FRMPD1: variants seen among roughly 807,000 people sequenced by gnomAD.
FRMPD1 encodes FERM and PDZ domain containing 1.
In FRMPD1, 76 loss-of-function variants were observed where a neutral mutation model predicts 117.8. The observed-to-expected ratio is 0.65, with a 90% CI of 0.54 to 0.78. The LOEUF is 0.78. Ranked by LOEUF, FRMPD1 falls within the 30% of genes least tolerant of loss-of-function variation. The pLI, the probability that FRMPD1 is intolerant of heterozygous loss-of-function variation, is 0.00. For synonymous variants in FRMPD1, 783 were observed against 770.4 expected (o/e 1.02, Z -0.27); for missense variants, 1,786 against 1,964.5 (o/e 0.91, Z 1.72).
At position 37,707,504 on chromosome 9, in the gene FRMPD1, A is replaced by G. The variant is rs751634587; in HGVS notation, c.190A>G (p.Thr64Ala). ...ACACACAGTAAAGATAGACAAAGACACCCTCCTCCAGGACTATGGATTTCA... is the reference window on the plus strand; with the variant it reads ...ACACACAGTAAAGATAGACAAAGACGCCCTCCTCCAGGACTATGGATTTCA... The part of the protein sequence containing the change: ...VRHTVKIDKD[T>A]LLQDYGFHIS... Residue 64 changes from threonine to alanine, a missense_variant, in exon 3 of 16, where the codon ACC (threonine) becomes GCC (alanine). Transcript: ENST00000377765. 19 of 1,613,738 alleles carry G rather than the reference A, an allele frequency of 1.2e-5. No individual in the cohort carries two copies. The highest frequency in any genetic ancestry group is 1.4e-5 in the Non-Finnish European group (17 of 1,179,762).
At chr9:37,629,560 G>A in the FRMPD1 span, among the ~76,000 whole-genome samples, 3 of 152,232 alleles carry the variant, frequency 2.0e-5, no homozygotes, top group Non-Finnish European at 2.9e-5. Context: ...AGGGCCACCC[G>A]CCAACATCAT....
At chr9:37,738,558 C>G (rs759721103) in intron 14 of FRMPD1, among the ~76,000 whole-genome samples, 3 of 152,132 alleles carry the variant, frequency 2.0e-5, no homozygotes, top group Non-Finnish European at 2.9e-5. Flanking sequence ...AGACTGGTCT[C>G]GAGCCCCTGA....
At chr9:37,663,253 G>A (rs1821053580) in intron 1 of FRMPD1, among the ~76,000 whole-genome samples, 1 of 152,230 alleles carries the variant, frequency 6.6e-6, no homozygotes, top group African/African-American at 2.4e-5. Flanking sequence ...GTGAGTGCCA[G>A]GATTTCTGCC....
chr9:37,695,006 AATAGATAGATAG>A (rs74171518), intron 2 of FRMPD1, among the ~76,000 whole-genome samples: 107 of 150,926 alleles, frequency 7.1e-4, no homozygotes, highest in East Asian at 4.9e-3. Flanking sequence ...GCCAAATAAG[AATAGATAGATAG>A]ATAGATAGAT....
At chr9:37,666,490 C>A (rs1444344499) in intron 1 of FRMPD1, among the ~76,000 whole-genome samples, 1 of 152,098 alleles carries the variant, frequency 6.6e-6, no homozygotes, top group Non-Finnish European at 1.5e-5. Context: ...AGCCCAGTGC[C>A]ATCTCCCTTC....
At chr9:37,667,061 G>GTTTTTTTTTTTTTTTTTTTTT (rs1563923428) in intron 1 of FRMPD1, among the ~76,000 whole-genome samples, 1 of 67,006 alleles carries the variant, frequency 1.5e-5, no homozygotes, top group African/African-American at 1.2e-4. Context: ...ATTGAAGCAT[G>GTTTTTTTTTTTTTTTTTTTTT]CTTTTTTTTT....
At chr9:37,623,876 G>GA in the FRMPD1 span, among the ~76,000 whole-genome samples, 6,117 of 151,814 alleles carry the variant, frequency 0.04, 285 homozygotes, top group African/African-American at 0.11. Context: ...TTATTAAAAG[G>GA]AAAAAAAATC....
chr9:37,607,381 T>C, the FRMPD1 span, among the ~76,000 whole-genome samples: 1 of 152,162 alleles, frequency 6.6e-6, no homozygotes, highest in South Asian at 2.1e-4. Flanking sequence ...TGAAGTTTAA[T>C]TGAGCAATGA....
intron 2 of FRMPD1, among the ~76,000 whole-genome samples, chr9:37,703,705 C>T (rs184284392): frequency 6.6e-6 from 1 of 152,296 alleles, no homozygotes; most frequent in African/African-American, 2.4e-5. Context: ...AAACCTCCCT[C>T]CCTGAAGCCT....
At chr9:37,606,131 C>T in the FRMPD1 span, among the ~76,000 whole-genome samples, 1 of 152,052 alleles carries the variant, frequency 6.6e-6, no homozygotes, top group Non-Finnish European at 1.5e-5. Context: ...TATGGCAGGT[C>T]TGGGTAGACA....
chr9:37,618,916 T>G, the FRMPD1 span, among the ~76,000 whole-genome samples: 2 of 152,226 alleles, frequency 1.3e-5, no homozygotes, highest in Non-Finnish European at 2.9e-5. Context: ...CATCCTCTGT[T>G]GCACTTGGTT....
At chr9:37,647,276 G>A (rs1399685096), upstream of FRMPD1, among the ~76,000 whole-genome samples, 7 of 152,040 alleles carry the variant, frequency 4.6e-5, no homozygotes, top group African/African-American at 9.7e-5. Context: ...TTGGGAGGTC[G>A]AGACGGGCGG....
At chr9:37,733,897 T>C in intron 12 of FRMPD1, 72 bp downstream of exon 12, 1 of 881,424 alleles carries the variant, frequency 1.1e-6, no homozygotes, top group South Asian at 1.4e-5. Context: ...TCAATGTGTC[T>C]TTTAGCCTAA....
chr9:37,702,916 A>C (rs150794302), intron 2 of FRMPD1, among the ~76,000 whole-genome samples: 1 of 152,088 alleles, frequency 6.6e-6, no homozygotes, highest in Non-Finnish European at 1.5e-5. Context: ...TCTATTCCCT[A>C]TCGGGTTGTT....
the FRMPD1 span, among the ~76,000 whole-genome samples, chr9:37,616,975 A>G: frequency 4.6e-5 from 7 of 152,230 alleles, no homozygotes; most frequent in Non-Finnish European, 7.3e-5. Flanking sequence ...ACACTGCTGG[A>G]TGTACAAGGA....
chr9:37,636,954 C>T, the FRMPD1 span: 5 of 1,600,788 alleles, frequency 3.1e-6, no homozygotes, highest in Admixed American at 3.4e-5. Flanking sequence ...AGCTTATTGA[C>T]GTTCTCGCTG....
intron 15 of FRMPD1, among the ~76,000 whole-genome samples, chr9:37,743,427 G>T (rs1824515239): frequency 6.6e-6 from 1 of 150,974 alleles, no homozygotes; most frequent in African/African-American, 2.4e-5. Context: ...TGAAGACCTG[G>T]GTTCAGAAAT....
chr9:37,733,133 T>C (rs1225384894), intron 10 of FRMPD1, among the ~76,000 whole-genome samples: 1 of 152,168 alleles, frequency 6.6e-6, no homozygotes, highest in East Asian at 1.9e-4. Context: ...CGTTGCCCCA[T>C]GAGAGTGTCT....
At chr9:37,711,308 A>T in intron 4 of FRMPD1, 42 bp from the exon 5 acceptor site, 1 of 1,360,742 alleles carries the variant, frequency 7.3e-7, no homozygotes, top group Non-Finnish European at 1.1e-6. Context: ...TCCATCACGC[A>T]GAACGACTAA....
Sources: gnomAD v4.1 joint callset for allele counts (sites outside exome capture counted in the v4.1 genomes callset) on GRCh38, gnomAD v4.1.1 for gene constraint, MANE v1.5 for transcripts, NCBI Gene and HGNC (gene_info 2026-07-23, HGNC 2026-07-21) for gene names.